The following CTNND2 variants were observed in gnomAD, a reference collection of about 807,000 sequenced individuals.
CTNND2 encodes the protein catenin delta 2, also known as catenin delta-2.
In CTNND2, 22 loss-of-function variants were observed where a neutral mutation model predicts 144.4. The ratio of observed to expected loss-of-function variants is 0.15; its 90% confidence interval spans 0.11 to 0.22. The LOEUF is 0.22. Among genes scored for constraint, CTNND2 ranks in the 10% least tolerant of loss-of-function variants. CTNND2 has a pLI of 1.00. For synonymous variants in CTNND2, 751 were observed against 695.6 expected (o/e 1.08, Z -1.25); for missense variants, 1,353 against 1,618.8 (o/e 0.84, Z 2.82).
At chr5:11,534,615 A>T (rs1249626632) in intron 3 of CTNND2, among the ~76,000 whole-genome samples, 1 of 151,992 alleles carries the variant, frequency 6.6e-6, no homozygotes, top group African/African-American at 2.4e-5. Flanking sequence ...CAGGGGAAAA[A>T]AAAAGAAAGA....
chr5:11,554,802 C>G (rs1410907454), intron 3 of CTNND2, among the ~76,000 whole-genome samples: 2 of 151,782 alleles, frequency 1.3e-5, no homozygotes, highest in African/African-American at 2.4e-5. Context: ...ACCACGTTAA[C>G]AAGTAGATAT....
At chr5:11,571,630 C>T (rs1777558081) in intron 2 of CTNND2, among the ~76,000 whole-genome samples, 1 of 152,088 alleles carries the variant, frequency 6.6e-6, no homozygotes, top group Non-Finnish European at 1.5e-5. Flanking sequence ...TTCAGCCAAT[C>T]TCCGGAGCTT....
intron 10 of CTNND2, among the ~76,000 whole-genome samples, chr5:11,224,876 CACTT>C (rs2149873410): frequency 1.3e-5 from 2 of 152,290 alleles, no homozygotes; most frequent in African/African-American, 4.8e-5. Flanking sequence ...GTTTTTATGA[CACTT>C]TCTTTGTTTT....
chr5:11,725,291 G>T (rs116660702), intron 2 of CTNND2, among the ~76,000 whole-genome samples: 215 of 152,208 alleles, frequency 1.4e-3, no homozygotes, highest in African/African-American at 5.1e-3. Context: ...TTCCCTTCCT[G>T]TCACATTTTC....
intron 9 of CTNND2, among the ~76,000 whole-genome samples, chr5:11,239,877 C>A (rs1409892724): frequency 6.6e-6 from 1 of 152,244 alleles, no homozygotes; most frequent in African/African-American, 2.4e-5. Context: ...ATGAGGTGAC[C>A]ATCTCTCGCT....
At chr5:11,568,916 T>C (rs1430799738) in intron 2 of CTNND2, among the ~76,000 whole-genome samples, 1 of 152,212 alleles carries the variant, frequency 6.6e-6, no homozygotes, top group Middle Eastern at 3.2e-3. Context: ...TTACTGAAAC[T>C]TGTAATTCTG....
chr5:11,250,087 C>T (rs182790707), intron 9 of CTNND2, among the ~76,000 whole-genome samples: 2 of 152,234 alleles, frequency 1.3e-5, no homozygotes, highest in Non-Finnish European at 2.9e-5. Flanking sequence ...TTTTAACTTA[C>T]CTCCATTTCC....
intron 9 of CTNND2, among the ~76,000 whole-genome samples, chr5:11,338,636 T>C (rs922825131): frequency 1.3e-5 from 2 of 152,214 alleles, no homozygotes; most frequent in African/African-American, 2.4e-5. Flanking sequence ...CATGATATCA[T>C]GGAGGCCCCT....
intron 9 of CTNND2, among the ~76,000 whole-genome samples, chr5:11,295,222 C>A (rs1226258897): frequency 1.3e-5 from 2 of 152,174 alleles, no homozygotes; most frequent in East Asian, 1.9e-4. Flanking sequence ...TGAGTGAACT[C>A]CCATTCACAA....
intron 12 of CTNND2, among the ~76,000 whole-genome samples, chr5:11,129,019 TAAATAAAAAATATA>T (rs1755119250): frequency 3.6e-5 from 1 of 28,038 alleles, no homozygotes; most frequent in Non-Finnish European, 7.5e-5. Flanking sequence ...ATATTATATA[TAAATAAAAAATATA>T]AATATATATT....
At chr5:11,528,526 T>C (rs1447275226) in intron 3 of CTNND2, among the ~76,000 whole-genome samples, 1 of 152,136 alleles carries the variant, frequency 6.6e-6, no homozygotes, top group East Asian at 1.9e-4. Context: ...GGGACAGCCT[T>C]GAACAGAGTG....
intron 3 of CTNND2, among the ~76,000 whole-genome samples, chr5:11,548,462 TTG>T (rs1385588894): frequency 6.6e-6 from 1 of 152,216 alleles, no homozygotes; most frequent in Non-Finnish European, 1.5e-5. Flanking sequence ...AATATAAGAT[TTG>T]TTTCTGAAAA....
chr5:11,591,184 C>T (rs988609414), intron 2 of CTNND2, among the ~76,000 whole-genome samples: 1 of 152,204 alleles, frequency 6.6e-6, no homozygotes. Flanking sequence ...AGAAGCACAA[C>T]TCACCATCAT....
chr5:11,335,042 C>T (rs959500951), intron 9 of CTNND2, among the ~76,000 whole-genome samples: 1 of 152,150 alleles, frequency 6.6e-6, no homozygotes, highest in African/African-American at 2.4e-5. Flanking sequence ...TCTTACCTTT[C>T]CTCCTTTCCT....
intron 15 of CTNND2, among the ~76,000 whole-genome samples, chr5:11,094,372 G>T (rs1382751190): frequency 6.6e-6 from 1 of 151,788 alleles, no homozygotes; most frequent in African/African-American, 2.4e-5. Flanking sequence ...TTTCTTTCTT[G>T]CATTCTTATA....
At position 11,618,004 on chromosome 5, in the gene CTNND2, CCTTTA is replaced by C. The variant is rs574743387; in HGVS notation, c.175-52953_175-52949del. On this transcript the variant is annotated intron_variant, in intron 2 of 21. Transcript: ENST00000304623. ...TCAAGGGCTGCTAAAAGTTTTGGCTCCTTTATTTTTCACGTATTTAGGACTTTAAC... is the reference window on the plus strand; with the variant it reads ...TCAAGGGCTGCTAAAAGTTTTGGCTCTTTTTCACGTATTTAGGACTTTAAC... Among the ~76,000 whole-genome samples, 363 of 152,224 alleles carry C rather than the reference CCTTTA, an allele frequency of 2.4e-3. 3 individuals carry two copies. The highest frequency in any genetic ancestry group is 8.7e-4 in the Non-Finnish European group (59 of 68,004).
At chr5:11,216,530 T>A (rs568374938) in intron 10 of CTNND2, among the ~76,000 whole-genome samples, 5 of 152,124 alleles carry the variant, frequency 3.3e-5, no homozygotes. Flanking sequence ...CTCTAGAAGC[T>A]GGAAAATGAG....
intron 18 of CTNND2, among the ~76,000 whole-genome samples, chr5:10,996,318 G>A (rs1480295581): frequency 6.6e-6 from 1 of 152,178 alleles, no homozygotes; most frequent in Non-Finnish European, 1.5e-5. Context: ...GTGGGCTTAT[G>A]AGGGCCACAG....
chr5:11,602,748 A>G (rs1156407931), intron 2 of CTNND2, among the ~76,000 whole-genome samples: 4 of 146,128 alleles, frequency 2.7e-5, no homozygotes, highest in South Asian at 2.1e-4. Context: ...AATATTATAT[A>G]TAATAGATAT....
Sources: gnomAD v4.1 joint callset for allele counts (sites outside exome capture counted in the v4.1 genomes callset) on GRCh38, gnomAD v4.1.1 for gene constraint, MANE v1.5 for transcripts, NCBI Gene and HGNC (gene_info 2026-07-23, HGNC 2026-07-21) for gene names.